The following CCDC18 variants were observed in gnomAD, a reference collection of about 807,000 sequenced individuals.
CCDC18 encodes the protein coiled-coil domain containing 18, also known as coiled-coil domain-containing protein 18.
CCDC18 carries 157 observed loss-of-function variants against 196.0 expected under a neutral mutation model. That is an observed-to-expected ratio of 0.80 (90% CI 0.70 to 0.91). The LOEUF (loss-of-function observed/expected upper bound fraction) is 0.91, where lower values mean the gene tolerates loss of function less well. Ranked by LOEUF, CCDC18 falls within the 40% of genes least tolerant of loss-of-function variation. The pLI, the probability that CCDC18 is intolerant of heterozygous loss-of-function variation, is 0.00. For synonymous variants in CCDC18, 482 were observed against 529.2 expected, an observed-to-expected ratio of 0.91 and a Z score of 1.22; for missense variants, 1,465 against 1,611.6, an observed-to-expected ratio of 0.91 and a Z score of 1.56.
chr1:93,205,596 TA>T lies in CCDC18; in HGVS notation c.886del (p.Ser296ValfsTer6). 6.3e-7 allele frequency: 1 copy of T among 1,596,452 alleles called. No individual in the cohort carries two copies. Among genetic ancestry groups the T allele is most frequent in the Admixed American group, 1.8e-5 (1 of 56,152 alleles). On this transcript the variant is annotated frameshift_variant, in exon 8 of 29. Transcript: ENST00000690025. LOFTEE classifies it high-confidence loss of function. ...KRLQERCGLY[K>X]SELEILKEKL... ...GGCTACAAGAAAGGTGTGGTCTATA[TA>T]AAAGTGAACTTGAAATTCTGAAAGA... is the stretch of plus-strand genomic sequence containing the variant.
At chr1:93,276,073 G>T (rs184805062) in intron 28 of CCDC18, among the ~76,000 whole-genome samples, 17 of 152,336 alleles carry the variant, frequency 1.1e-4, no homozygotes, top group Admixed American at 9.2e-4. Flanking sequence ...AGGCGCCATT[G>T]TTGGGCTGTG....
At chr1:93,193,816 G>C in intron 6 of CCDC18, 72 bp downstream of exon 6, 1 of 1,220,168 alleles carries the variant, frequency 8.2e-7, no homozygotes, top group South Asian at 1.8e-5. Flanking sequence ...TAAAATTCTA[G>C]TTAATTTTTG....
intron 6 of CCDC18, among the ~76,000 whole-genome samples, chr1:93,200,128 G>A (rs1364974491): frequency 2.6e-5 from 4 of 152,064 alleles, no homozygotes; most frequent in African/African-American, 9.7e-5. Context: ...GGGACTACAG[G>A]TGTGCACCAC....
chr1:93,267,370 GAAAACT>G (rs1664668578), intron 27 of CCDC18, among the ~76,000 whole-genome samples: 1 of 152,124 alleles, frequency 6.6e-6, no homozygotes, highest in African/African-American at 2.4e-5. Flanking sequence ...CATTCCCTTT[GAAAACT>G]GGCACAAGAC....
chr1:93,249,990 G>A (rs1662017803), intron 23 of CCDC18, among the ~76,000 whole-genome samples: 1 of 151,584 alleles, frequency 6.6e-6, no homozygotes, highest in Non-Finnish European at 1.5e-5. Context: ...TGTTCATTCA[G>A]GTGCATTTGT....
chr1:93,271,266 T>G, intron 28 of CCDC18: 1 of 985,408 alleles, frequency 1.0e-6, no homozygotes, highest in South Asian at 4.7e-5. Context: ...GTTGATTTAC[T>G]GAATTAGCCA....
At chr1:93,234,441 T>C (rs1264111903) in intron 18 of CCDC18, among the ~76,000 whole-genome samples, 1 of 152,226 alleles carries the variant, frequency 6.6e-6, no homozygotes, top group Non-Finnish European at 1.5e-5. Flanking sequence ...ATTACAGGCG[T>C]GAGCCACTGC....
chr1:93,271,981 T>C (rs1665309814), intron 28 of CCDC18, among the ~76,000 whole-genome samples: 1 of 152,226 alleles, frequency 6.6e-6, no homozygotes, highest in South Asian at 2.1e-4. Context: ...TGTTCCACAA[T>C]ATAGGATTTA....
At chr1:93,263,408 ACTTTCACAAAAG>A (rs1025005437) in intron 26 of CCDC18, among the ~76,000 whole-genome samples, 49 of 152,212 alleles carry the variant, frequency 3.2e-4, no homozygotes, top group African/African-American at 1.2e-3. Context: ...ATGACTGTAC[ACTTTCACAAAAG>A]CCAGATCACC....
intron 26 of CCDC18, among the ~76,000 whole-genome samples, chr1:93,261,492 C>T (rs1663784675): frequency 6.6e-6 from 1 of 151,974 alleles, no homozygotes; most frequent in Non-Finnish European, 1.5e-5. Flanking sequence ...AGGCATAAAA[C>T]CTAGACAGTC....
Position 93,226,323 on chromosome 1 carries a change from TCCTGCTTAGGTTAGGCAACTAGA to T in CCDC18, c.2176-9_2189del. 2 of 1,208,202 alleles carry T rather than the reference TCCTGCTTAGGTTAGGCAACTAGA, an allele frequency of 1.7e-6. No homozygotes were observed. 74.8% of individuals were successfully genotyped at this position (1,208,202 alleles called of 1,614,324 possible). On this transcript the variant is annotated splice_acceptor_variant and splice_polypyrimidine_tract_variant and coding_sequence_variant and intron_variant, in exon 17 of 29. Transcript: ENST00000690025. LOFTEE classifies it high-confidence loss of function. The stretch of plus-strand genomic sequence containing the variant: ...GTTTTTTTTTTTTTTTTGCTTTTTT[TCCTGCTTAGGTTAGGCAACTAGA>T]TTCAGCATTGGAAATTTGTAAGGAA...
chr1:93,264,604 A>T, intron 26 of CCDC18, 97 bp from the exon 27 acceptor site: 1 of 699,424 alleles, frequency 1.4e-6, no homozygotes, highest in Admixed American at 2.7e-5. Context: ...TTTTTTAAAG[A>T]AAAAGTAAAT....
chr1:93,259,559 C>T (rs1663488779), intron 26 of CCDC18, among the ~76,000 whole-genome samples: 1 of 152,136 alleles, frequency 6.6e-6, no homozygotes, highest in Admixed American at 6.5e-5. Context: ...ATGTTAAACT[C>T]CATTCAAGGG....
intron 3 of CCDC18, among the ~76,000 whole-genome samples, chr1:93,184,644 C>T (rs1028635264): frequency 9.9e-5 from 15 of 151,790 alleles, no homozygotes; most frequent in Non-Finnish European, 2.1e-4. Flanking sequence ...TATTTATCTC[C>T]CTGCATTTAT....
At chr1:93,219,201 G>A (rs1246959604) in intron 14 of CCDC18, among the ~76,000 whole-genome samples, 1 of 152,060 alleles carries the variant, frequency 6.6e-6, no homozygotes, top group East Asian at 1.9e-4. Flanking sequence ...AAGCACTTAC[G>A]CATTGTGGTT....
intron 16 of CCDC18, among the ~76,000 whole-genome samples, chr1:93,224,441 C>T (rs1657974111): frequency 6.6e-6 from 1 of 152,214 alleles, no homozygotes; most frequent in South Asian, 2.1e-4. Flanking sequence ...TCCCCAATTA[C>T]TTAAAATTGT....
intron 25 of CCDC18, among the ~76,000 whole-genome samples, chr1:93,257,270 A>C (rs893827053): frequency 6.8e-6 from 1 of 147,410 alleles, no homozygotes; most frequent in Non-Finnish European, 1.5e-5. Context: ...CATGAAAACT[A>C]TCCAAATTTG....
rs189453790 is a variant in CCDC18 at position 93,229,794 on chromosome 1, A to G, written c.2293-2632A>G. Among the ~76,000 whole-genome samples, 207 of 152,334 alleles carry G rather than the reference A, an allele frequency of 1.4e-3. 1 individual carries two copies. The Middle Eastern group carries it at 0.017, about 13-fold the overall frequency. ...ATTTCATATTAAAATGTTTTTAACA[A>G]TGCTTTTAAAATAATAAAGTTATGT... On this transcript the variant is annotated intron_variant, in intron 17 of 28. Coordinates refer to ENST00000690025, the MANE Select transcript of CCDC18 (RefSeq NM_001378204.1).
intron 25 of CCDC18, among the ~76,000 whole-genome samples, chr1:93,258,506 T>C (rs1272713930): frequency 6.6e-5 from 10 of 152,210 alleles, no homozygotes; most frequent in African/African-American, 2.4e-4. Flanking sequence ...GTTCATTTTA[T>C]AGAAAGCATT....
Sources: allele counts gnomAD v4.1 joint callset (sites outside exome capture counted in the v4.1 genomes callset), GRCh38; gene constraint gnomAD v4.1.1; transcripts MANE v1.5; gene names NCBI Gene and HGNC (gene_info 2026-07-23, HGNC 2026-07-21).